The following NT5DC3 variants were observed in gnomAD, a reference collection of about 807,000 sequenced individuals.
The protein encoded by NT5DC3 is 5'-nucleotidase domain containing 3, also known as 5'-nucleotidase domain-containing protein 3.
A neutral mutation model predicts 67.8 loss-of-function variants in NT5DC3; 42 were observed. The observed-to-expected ratio is 0.62, with a 90% CI of 0.48 to 0.80. NT5DC3 has a LOEUF of 0.80. NT5DC3 is among the 30% of genes least tolerant of loss of function. The pLI, the probability that NT5DC3 is intolerant of heterozygous loss-of-function variation, is 0.00. For missense variants in NT5DC3, 570 were observed against 696.4 expected (o/e 0.82, Z 2.04); for synonymous variants, 237 against 255.6 (o/e 0.93, Z 0.69).
chr12:103,803,075 GGA>G (rs1389113110), intron 4 of NT5DC3, among the ~76,000 whole-genome samples: 3 of 152,098 alleles, frequency 2.0e-5, no homozygotes, highest in Non-Finnish European at 4.4e-5. Flanking sequence ...AAACAGAGAT[GGA>G]GAGACAGAAT....
chr12:103,824,525 G>A (rs1459688647), intron 1 of NT5DC3, among the ~76,000 whole-genome samples: 1 of 152,176 alleles, frequency 6.6e-6, no homozygotes, highest in African/African-American at 2.4e-5. Context: ...CCTGACTCAC[G>A]CTGGGCCACT....
rs1246363299 is a variant in NT5DC3, at chr12:103,814,505, CAATACTACGTATCAGAAGAAAGACATTCA to C, written c.393+403_393+431del. Among the ~76,000 whole-genome samples, 7 of 152,196 alleles carry C rather than the reference CAATACTACGTATCAGAAGAAAGACATTCA, an allele frequency of 4.6e-5. 1 individual carries two copies. Among genetic ancestry groups the C allele is most frequent in the Non-Finnish European group, 1.0e-4 (7 of 68,036 alleles). On this transcript the variant is annotated intron_variant, in intron 2 of 13. Transcript: ENST00000392876. Reference sequence around the variant, plus strand: ...TTCCTTCCTCATTAAAAACTCTCAACAATACTACGTATCAGAAGAAAGACATTCAAATATGCTGTACTCAGCAATTCAAA... The same window carrying C: ...TTCCTTCCTCATTAAAAACTCTCAACAATATGCTGTACTCAGCAATTCAAA...
chr12:103,778,508 G>A (rs983705982), intron 13 of NT5DC3, among the ~76,000 whole-genome samples: 2 of 152,144 alleles, frequency 1.3e-5, no homozygotes, highest in Admixed American at 6.5e-5. Flanking sequence ...TCCAGCCTGG[G>A]CAACAGAGCG....
the NT5DC3 span, chr12:103,762,151 TACATGTTA>T: frequency 1.5e-6 from 2 of 1,334,310 alleles, no homozygotes; most frequent in Non-Finnish European, 2.1e-6. Context: ...AAGGGCCAGA[TACATGTTA>T]ACATGTCAGT....
At chr12:103,830,716 G>A (rs1887888767) in intron 1 of NT5DC3, among the ~76,000 whole-genome samples, 1 of 151,782 alleles carries the variant, frequency 6.6e-6, no homozygotes, top group Non-Finnish European at 1.5e-5. Flanking sequence ...TTTCTATTTG[G>A]TTCTTTTTAA....
chr12:103,840,699 T>C (rs1192956989), intron 1 of NT5DC3, among the ~76,000 whole-genome samples: 1 of 151,854 alleles, frequency 6.6e-6, no homozygotes, highest in Admixed American at 6.5e-5. Flanking sequence ...ATCCCAAGAA[T>C]ATATACAACA....
At chr12:103,814,848 C>A in intron 2 of NT5DC3, 89 bp downstream of exon 2, 2 of 888,376 alleles carry the variant, frequency 2.3e-6, no homozygotes, top group Non-Finnish European at 1.6e-6. Context: ...TAAATGACTT[C>A]TCTGTGGCAG....
Position 103,793,858 on chromosome 12 carries a change from A to T in NT5DC3, c.814+79T>A, listed in dbSNP as rs1886177603. ...ATGCAGCCTCTGCTTAGCACCTGGA[A>T]TGCAAAGTAAAATGCCGGCATGGTT... On this transcript the variant is annotated intron_variant, in intron 7 of 13. Transcript: ENST00000392876. 5 of 1,194,712 alleles carry T rather than the reference A, an allele frequency of 4.2e-6. No homozygotes were observed. In the South Asian group the frequency reaches 6.1e-5, roughly 15 times the overall value. 74.0% of individuals were successfully genotyped at this position (1,194,712 alleles called of 1,614,324 possible).
the NT5DC3 span, chr12:103,763,607 C>T: frequency 8.4e-5 from 136 of 1,613,276 alleles, no homozygotes; most frequent in Middle Eastern, 6.6e-4. Flanking sequence ...GACCCCTTCA[C>T]GGTGAGTTTG....
At chr12:103,822,346 T>C (rs534703229) in intron 1 of NT5DC3, among the ~76,000 whole-genome samples, 1 of 152,340 alleles carries the variant, frequency 6.6e-6, no homozygotes, top group South Asian at 2.1e-4. Context: ...AGCAATGGTC[T>C]AGTATTCTTA....
Position 103,806,856 on chromosome 12 carries a change from C to T in NT5DC3, c.467G>A (p.Arg156Gln), listed in dbSNP as rs764042619. 7.6e-6 allele frequency: 12 copies of T among 1,583,300 alleles called. No individual in the cohort carries two copies. The highest frequency in any genetic ancestry group is 1.3e-5 in the African/African-American group (1 of 74,260). The change falls in exon 3 of 14, where the codon CGG becomes CAG. Residue 156 changes from arginine to glutamine, a missense_variant and splice_region_variant. By Grantham distance (43) the Arg-to-Gln change is conservative. This residue lies in a region of NT5DC3 where 466 missense variants were observed against 608.0 expected (regional missense o/e 0.77). Transcript: ENST00000392876. ...GAAAAACAGGAGAAGTAAACCTACC[C>T]GCTGTACATCATAATGAAGTCCACG... ...AIRGLHYDVQ[R>Q]AVLMKIDAFH... is the part of the protein sequence containing the mutation.
At chr12:103,753,951 G>C in the NT5DC3 span, among the ~76,000 whole-genome samples, 1 of 152,328 alleles carries the variant, frequency 6.6e-6, no homozygotes, top group Non-Finnish European at 1.5e-5. Flanking sequence ...GAAGGAAACG[G>C]AGCTCTTTGA....
chr12:103,781,616 AAAG>A (rs929902964), intron 12 of NT5DC3, among the ~76,000 whole-genome samples: 45 of 149,420 alleles, frequency 3.0e-4, no homozygotes, highest in African/African-American at 9.7e-4. Context: ...CCCATTGAAA[AAAG>A]AAGATTTCTC....
intron 1 of NT5DC3, among the ~76,000 whole-genome samples, chr12:103,828,902 T>A (rs562683991): frequency 6.6e-6 from 1 of 152,162 alleles, no homozygotes; most frequent in Non-Finnish European, 1.5e-5. Context: ...TTTCACCATG[T>A]TGGCCAGGCT....
At chr12:103,748,826 TG>T in the NT5DC3 span, 1 of 847,878 alleles carries the variant, frequency 1.2e-6, no homozygotes, top group Non-Finnish European at 1.8e-6. Context: ...CCACAGGGCA[TG>T]GAGAGAGAAG....
rs866686627 is a variant in NT5DC3, at chr12:103,775,360, G to T, written c.*2469C>A. The T allele has an allele frequency of 6.6e-6, 1 of 152,184 alleles. No individual in the cohort carries two copies. Among genetic ancestry groups the T allele is most frequent in the East Asian group, 1.9e-4 (1 of 5,194 alleles). 9.4% of individuals were successfully genotyped at this position (152,184 alleles called of 1,614,324 possible). A position where few individuals can be genotyped will look rare whatever the true frequency, so the allele number is the denominator to read the frequency against. Reference sequence around the variant, plus strand: ...AGGTCACCTAACGTGAACACTCATGGAAACAGGTTTTAAAAATAGTTCTAC... The same window carrying T: ...AGGTCACCTAACGTGAACACTCATGTAAACAGGTTTTAAAAATAGTTCTAC... On this transcript the variant is annotated 3_prime_UTR_variant, in exon 14 of 14. Coordinates refer to ENST00000392876, the MANE Select transcript of NT5DC3 (RefSeq NM_001031701.3).
the NT5DC3 span, among the ~76,000 whole-genome samples, chr12:103,754,290 C>A: frequency 6.6e-6 from 1 of 151,922 alleles, no homozygotes; most frequent in South Asian, 2.1e-4. Flanking sequence ...TGTGGAAGGA[C>A]TAAATGTAAT....
chr12:103,764,753 A>AATCATATT, the NT5DC3 span, among the ~76,000 whole-genome samples: 2 of 152,124 alleles, frequency 1.3e-5, no homozygotes, highest in Non-Finnish European at 2.9e-5. Context: ...CCAGATTGCA[A>AATCATATT]ATCATATTTT....
chr12:103,763,441 C>T, the NT5DC3 span: 17 of 1,561,216 alleles, frequency 1.1e-5, no homozygotes, highest in South Asian at 6.8e-5. Flanking sequence ...TTGGCTGAGA[C>T]GCTCCTGCTT....
Sources: gnomAD v4.1 joint callset for allele counts (sites outside exome capture counted in the v4.1 genomes callset) on GRCh38, gnomAD v4.1.1 for gene constraint, gnomAD v4.1.1 regional missense constraint, MANE v1.5 for transcripts, NCBI Gene and HGNC (gene_info 2026-07-23, HGNC 2026-07-21) for gene names.